EVC: variants seen among roughly 807,000 people sequenced by gnomAD.
The protein encoded by EVC is evC complex member EVC.
EVC carries 116 observed loss-of-function variants against 118.9 expected under a neutral mutation model. That is an observed-to-expected ratio of 0.98 (90% CI 0.84 to 1.14). The LOEUF is 1.14. Ranked by LOEUF, EVC falls within the 50% of genes most tolerant of loss-of-function variation. The pLI is 0.00. For missense variants in EVC, 1,401 were observed against 1,246.4 expected, an observed-to-expected ratio of 1.12 and a Z score of -1.87; for synonymous variants, 619 against 534.7, an observed-to-expected ratio of 1.16 and a Z score of -2.18.
intron 11 of EVC, among the ~76,000 whole-genome samples, chr4:5,759,939 T>A (rs1278991556): frequency 6.6e-6 from 1 of 152,130 alleles, no homozygotes; most frequent in African/African-American, 2.4e-5. Context: ...AGAAGTACAT[T>A]GGTTCGGTCA....
chr4:5,828,752 A>AT, the EVC span: 22 of 1,478,150 alleles, frequency 1.5e-5, no homozygotes, highest in East Asian at 5.1e-4. Context: ...GCCTAACATT[A>AT]TATCATAAGC....
At chr4:5,769,042 G>C (rs1560374857) in intron 11 of EVC, among the ~76,000 whole-genome samples, 3 of 152,040 alleles carry the variant, frequency 2.0e-5, no homozygotes, top group Non-Finnish European at 4.4e-5. Flanking sequence ...CAGTGGCTGT[G>C]AGATACATTT....
chr4:5,754,065 T>A lies in EVC; in HGVS notation c.1464+132T>A. The A allele has an allele frequency of 8.4e-7, 1 of 1,192,746 alleles. No homozygotes were observed. The highest frequency in any genetic ancestry group is 1.2e-6 in the Non-Finnish European group (1 of 822,254). 73.9% of individuals were successfully genotyped at this position (1,192,746 alleles called of 1,614,324 possible). On this transcript the variant is annotated intron_variant, in intron 10 of 20. Coordinates refer to ENST00000264956, the MANE Select transcript of EVC (RefSeq NM_153717.3). This position sits in a 1 kb window ranked among gnomAD's most constrained non-coding sequence, Gnocchi z 5.8. ...GCCTACTTCCCATGTGTCAGCCGAG[T>A]GACCGAATCTCAGTCCCTTAGCCCC...
At chr4:5,769,188 C>A (rs1236527696) in intron 11 of EVC, among the ~76,000 whole-genome samples, 2 of 152,074 alleles carry the variant, frequency 1.3e-5, no homozygotes, top group Non-Finnish European at 2.9e-5. Context: ...TGGCGGAAGG[C>A]AAATGAGGAG....
intron 11 of EVC, among the ~76,000 whole-genome samples, chr4:5,758,975 C>T (rs1160507230): frequency 1.3e-5 from 2 of 152,018 alleles, no homozygotes. Context: ...GATGAGACAG[C>T]CTTGACTTAC....
intron 1 of EVC, among the ~76,000 whole-genome samples, chr4:5,717,495 T>C (rs1445571115): frequency 1.3e-5 from 2 of 152,188 alleles, no homozygotes; most frequent in Non-Finnish European, 2.9e-5. Flanking sequence ...TATATATATT[T>C]TTTCCTCAAT....
intron 2 of EVC, among the ~76,000 whole-genome samples, chr4:5,726,630 T>C (rs1418542147): frequency 6.6e-6 from 1 of 150,536 alleles, no homozygotes; most frequent in East Asian, 2.0e-4. Flanking sequence ...TGCAGGTTAG[T>C]TACATATGTA....
chr4:5,730,936 C>T (rs1049938368), intron 3 of EVC, among the ~76,000 whole-genome samples: 9 of 149,584 alleles, frequency 6.0e-5, no homozygotes, highest in African/African-American at 1.2e-4. Context: ...GCATGGTGTT[C>T]CAGCTTCTTG....
intron 2 of EVC, among the ~76,000 whole-genome samples, chr4:5,726,926 A>G (rs1460653686): frequency 6.6e-6 from 1 of 152,028 alleles, no homozygotes; most frequent in Non-Finnish European, 1.5e-5. Flanking sequence ...GTTGCATAGT[A>G]TTCCATGGTG....
At chr4:5,751,535 C>T (rs922737804) in intron 8 of EVC, among the ~76,000 whole-genome samples, 3 of 152,236 alleles carry the variant, frequency 2.0e-5, no homozygotes, top group East Asian at 1.9e-4. Context: ...CCTTGTCCAT[C>T]GCTGGGGGAT....
chr4:5,824,152 G>A, the EVC span: 1 of 237,942 alleles, frequency 4.2e-6, no homozygotes, highest in Non-Finnish European at 6.8e-6. Flanking sequence ...AATTGCAATT[G>A]TGCAGTGTTT....
At position 5,719,490 on chromosome 4, in the gene EVC, C is replaced by G; in HGVS notation, c.300+117C>G. The G allele has an allele frequency of 6.7e-7, 1 of 1,484,176 alleles. No homozygotes were observed. Among genetic ancestry groups the G allele is most frequent in the South Asian group, 1.1e-5 (1 of 87,432 alleles). The allele number at this position is 1,484,176 out of a possible 1,614,324, so 91.9% of individuals were successfully genotyped here. On this transcript the variant is annotated intron_variant, in intron 2 of 20. Coordinates refer to ENST00000264956, the MANE Select transcript of EVC (RefSeq NM_153717.3). This position sits in a 1 kb window ranked among gnomAD's most constrained non-coding sequence, Gnocchi z 4.7. ...ACAGATATAGTTTCCCAATGGGCTG[C>G]TTTTCTGAGGCATAATTTACATACA...
At chr4:5,819,079 TC>T (rs1230770092), downstream of EVC, among the ~76,000 whole-genome samples, 1 of 152,160 alleles carries the variant, frequency 6.6e-6, no homozygotes, top group Non-Finnish European at 1.5e-5. Context: ...TGGTGTTGGG[TC>T]AATGGGAGAT....
At chr4:5,747,132 A>C (rs1040299762) in intron 7 of EVC, among the ~76,000 whole-genome samples, 1 of 152,006 alleles carries the variant, frequency 6.6e-6, no homozygotes, top group African/African-American at 2.4e-5. Context: ...GGGCCCTGAG[A>C]TGGGGAGCCG....
intron 6 of EVC, 141 bp from the exon 7 acceptor site, chr4:5,745,063 C>A: frequency 4.0e-6 from 3 of 744,120 alleles, no homozygotes; most frequent in Non-Finnish European, 4.2e-6. Flanking sequence ...ACCTCATGTA[C>A]AACAACCCCC....
chr4:5,801,928 T>C (rs774600119), intron 15 of EVC, 22 bp from the exon 16 acceptor site: 3 of 1,611,546 alleles, frequency 1.9e-6, no homozygotes, highest in Non-Finnish European at 2.5e-6. Context: ...CTGCTGTCCC[T>C]GTCCTTCCTT....
At position 5,808,265 on chromosome 4, in the gene EVC, G is replaced by T; in HGVS notation, c.2626G>T (p.Ala876Ser). The change falls in exon 18 of 21, where the codon GCC (alanine) becomes TCC (serine). Residue 876 changes from alanine to serine, a missense_variant. Physicochemically the swap from Ala to Ser is moderately conservative, Grantham distance 99 (BLOSUM62 1). Coordinates refer to ENST00000264956, the MANE Select transcript of EVC (RefSeq NM_153717.3). Reference protein sequence around the residue: ...FPVHQQMRLHAQQQQAGVMDL... With the variant: ...FPVHQQMRLHSQQQQAGVMDL... ...AGTGCACCAGCAGATGCGTCTGCAC[G>T]CCCAGCAGCAGCAGGCAGGAGTCAT... 6.2e-7 allele frequency: 1 copy of T among 1,612,390 alleles called. No homozygotes were observed. Among genetic ancestry groups the T allele is most frequent in the Non-Finnish European group, 8.5e-7 (1 of 1,179,538 alleles).
intron 1 of EVC, among the ~76,000 whole-genome samples, chr4:5,718,398 C>T (rs1724337902): frequency 6.6e-6 from 1 of 152,050 alleles, no homozygotes. Context: ...CTGTAACACA[C>T]CCATTTCTCC....
At chr4:5,767,802 G>T (rs919353087) in intron 11 of EVC, among the ~76,000 whole-genome samples, 1 of 152,140 alleles carries the variant, frequency 6.6e-6, no homozygotes, top group African/African-American at 2.4e-5. Flanking sequence ...CCCACTGTCT[G>T]GCACTCCCTA....
Sources: allele counts gnomAD v4.1 joint callset (sites outside exome capture counted in the v4.1 genomes callset), GRCh38; gene constraint gnomAD v4.1.1; non-coding constraint Gnocchi (gnomAD v3.1); transcripts MANE v1.5; gene names NCBI Gene and HGNC (gene_info 2026-07-23, HGNC 2026-07-21).